The following DLG2 variants were observed in gnomAD, a reference collection of about 807,000 sequenced individuals.
DLG2 encodes discs large MAGUK scaffold protein 2.
DLG2 carries 45 observed loss-of-function variants against 132.5 expected under a neutral mutation model. That is an observed-to-expected ratio of 0.34 (90% CI 0.27 to 0.44). The LOEUF is 0.44. DLG2 is among the 20% of genes least tolerant of loss of function. The probability of loss-of-function intolerance (pLI) is 1.00; values close to 1 mark genes in which losing one functional copy is unlikely to be tolerated. For missense variants in DLG2, 1,045 were observed against 1,196.9 expected (o/e 0.87, Z 1.87); for synonymous variants, 424 against 419.6 (o/e 1.01, Z -0.13).
intron 6 of DLG2, among the ~76,000 whole-genome samples, chr11:84,949,665 G>A (rs940803186): frequency 2.6e-5 from 4 of 152,160 alleles, no homozygotes; most frequent in Admixed American, 2.0e-4. Flanking sequence ...TGTTCTGCCT[G>A]GCTCACCGGC....
At chr11:84,899,724 G>A (rs1398316405) in intron 6 of DLG2, among the ~76,000 whole-genome samples, 1 of 152,048 alleles carries the variant, frequency 6.6e-6, no homozygotes, top group Non-Finnish European at 1.5e-5. Context: ...TCACCACTCA[G>A]AGATACATTT....
chr11:83,736,226 A>T (rs1380097339), intron 18 of DLG2, among the ~76,000 whole-genome samples: 1 of 152,176 alleles, frequency 6.6e-6, no homozygotes, highest in Non-Finnish European at 1.5e-5. Context: ...CAGGTTCAAG[A>T]CCCAAGTCTT....
At chr11:84,831,897 T>G (rs1283944341) in intron 6 of DLG2, among the ~76,000 whole-genome samples, 1 of 151,686 alleles carries the variant, frequency 6.6e-6, no homozygotes, top group Admixed American at 6.6e-5. Flanking sequence ...CTCAGAGGGC[T>G]TGCAACTCAC....
At chr11:84,435,388 C>T (rs1007878855) in intron 7 of DLG2, among the ~76,000 whole-genome samples, 1 of 152,172 alleles carries the variant, frequency 6.6e-6, no homozygotes, top group Admixed American at 6.5e-5. Flanking sequence ...AGGCAACACA[C>T]CTTTTAATTT....
At chr11:84,364,185 T>C (rs1015730729) in intron 7 of DLG2, among the ~76,000 whole-genome samples, 3 of 151,922 alleles carry the variant, frequency 2.0e-5, no homozygotes, top group African/African-American at 7.3e-5. Flanking sequence ...TTTTATTTCA[T>C]TGAGAAGTGG....
chr11:84,834,609 G>C (rs2079470816), intron 6 of DLG2, among the ~76,000 whole-genome samples: 1 of 151,476 alleles, frequency 6.6e-6, no homozygotes, highest in Non-Finnish European at 1.5e-5. Context: ...AAGAAAAATA[G>C]CAATGAAAGG....
At position 84,062,847 on chromosome 11, in the gene DLG2, C is replaced by T. The variant is rs60264188; in HGVS notation, c.750-3363G>A. ...CAAACTAGGGCAGTCAACTTCCCTTCCTCCCAGAAACTTGAAATAGATTTT... is the reference window on the plus strand; with the variant it reads ...CAAACTAGGGCAGTCAACTTCCCTTTCTCCCAGAAACTTGAAATAGATTTT... On this transcript the variant is annotated intron_variant, in intron 10 of 27. Coordinates refer to ENST00000376104, the MANE Select transcript of DLG2 (RefSeq NM_001142699.3). Among the ~76,000 whole-genome samples, 614 of 151,980 alleles carry T rather than the reference C, an allele frequency of 4.0e-3. 4 individuals are homozygous for T. The highest frequency in any genetic ancestry group is 0.014 in the African/African-American group (569 of 41,460).
chr11:84,877,914 A>T (rs2086647610), intron 6 of DLG2, among the ~76,000 whole-genome samples: 1 of 152,180 alleles, frequency 6.6e-6, no homozygotes, highest in Non-Finnish European at 1.5e-5. Flanking sequence ...ATATAAACAG[A>T]CACTTCTCAA....
At chr11:84,752,088 A>T (rs1311100619) in intron 6 of DLG2, among the ~76,000 whole-genome samples, 1 of 152,230 alleles carries the variant, frequency 6.6e-6, no homozygotes, top group Non-Finnish European at 1.5e-5. Context: ...CAGTTCAGTG[A>T]AAAGGCCATC....
intron 25 of DLG2, among the ~76,000 whole-genome samples, chr11:83,467,560 C>T (rs2091258215): frequency 6.6e-6 from 1 of 151,212 alleles, no homozygotes. Flanking sequence ...ACCAGCCTGA[C>T]CAAAATGGTG....
intron 3 of DLG2, among the ~76,000 whole-genome samples, chr11:85,530,648 G>C (rs1166892666): frequency 6.6e-6 from 1 of 152,086 alleles, no homozygotes; most frequent in Non-Finnish European, 1.5e-5. Flanking sequence ...CTTTTTTATA[G>C]ACTAATAGAG....
At chr11:85,337,343 C>T (rs967676261) in intron 3 of DLG2, among the ~76,000 whole-genome samples, 14 of 152,242 alleles carry the variant, frequency 9.2e-5, no homozygotes, top group African/African-American at 3.4e-4. Context: ...CTCGGCTTCC[C>T]AAAGTGTTAT....
chr11:83,490,276 C>A (rs2093764901), intron 21 of DLG2, among the ~76,000 whole-genome samples: 1 of 151,704 alleles, frequency 6.6e-6, no homozygotes, highest in African/African-American at 2.4e-5. Context: ...ACAAACAAAA[C>A]CTGGATAATT....
chr11:84,879,906 C>T (rs2087014535), intron 6 of DLG2, among the ~76,000 whole-genome samples: 1 of 152,098 alleles, frequency 6.6e-6, no homozygotes, highest in Non-Finnish European at 1.5e-5. Context: ...GACAAAAACG[C>T]AGCCTAGCAT....
intron 3 of DLG2, among the ~76,000 whole-genome samples, chr11:85,482,579 G>A (rs1009112666): frequency 6.6e-6 from 1 of 152,100 alleles, no homozygotes; most frequent in African/African-American, 2.4e-5. Flanking sequence ...CCTAGGCCAG[G>A]TCCTAGACCT....
At chr11:83,597,330 A>G (rs1406757011) in intron 19 of DLG2, among the ~76,000 whole-genome samples, 1 of 152,104 alleles carries the variant, frequency 6.6e-6, no homozygotes, top group Non-Finnish European at 1.5e-5. Context: ...GTGCTCAAAG[A>G]ATATTTGGTG....
chr11:83,703,612 G>A (rs2083360769), intron 18 of DLG2, among the ~76,000 whole-genome samples: 1 of 152,186 alleles, frequency 6.6e-6, no homozygotes, highest in African/African-American at 2.4e-5. Context: ...TAGCACCACT[G>A]CACTCCAGCC....
chr11:84,942,092 G>A (rs187056967), intron 6 of DLG2, among the ~76,000 whole-genome samples: 12 of 152,182 alleles, frequency 7.9e-5, no homozygotes, highest in African/African-American at 2.9e-4. Flanking sequence ...GGTATCAGTT[G>A]TAATGTCTCC....
rs778914902 is a variant in DLG2, at chr11:83,466,805, T to C, written c.2632A>G (p.Ile878Val). The change falls in exon 26 of 28, where the codon ATA (isoleucine) becomes GTA (valine). Residue 878 changes from isoleucine to valine, a missense_variant. Ile to Val is a conservative substitution (Grantham distance 29, BLOSUM62 3). Transcript: ENST00000376104. Reference sequence around the variant, plus strand: ...ATAGCATTTCCTGATACATCAAGTATACAGTGTTTGCCCTGGTAGAAAGAG... The same window carrying C: ...ATAGCATTTCCTGATACATCAAGTACACAGTGTTTGCCCTGGTAGAAAGAG... ...RFVAERGKHC[I>V]LDVSGNAIKR... is the part of the protein sequence containing the mutation. 1.2e-6 allele frequency: 2 copies of C among 1,611,510 alleles called. No individual in the cohort carries two copies. The highest frequency in any genetic ancestry group is 1.7e-5 in the Admixed American group (1 of 59,980).
Sources: allele counts gnomAD v4.1 joint callset (sites outside exome capture counted in the v4.1 genomes callset), GRCh38; gene constraint gnomAD v4.1.1; transcripts MANE v1.5; gene names NCBI Gene and HGNC (gene_info 2026-07-23, HGNC 2026-07-21).